The following ANK2 variants were observed in gnomAD, a reference collection of about 807,000 sequenced individuals.
ANK2 encodes ankyrin 2.
Under a neutral mutation model 360.5 loss-of-function variants are expected in ANK2, and 83 were observed. The ratio of observed to expected loss-of-function variants is 0.23; its 90% CI spans 0.19 to 0.28. ANK2 has a LOEUF of 0.28. ANK2 is among the 10% of genes least tolerant of loss of function. The pLI, the probability that ANK2 is intolerant of heterozygous loss-of-function variation, is 1.00. For synonymous variants in ANK2, 1,740 were observed against 1,759.5 expected, an observed-to-expected ratio of 0.99 and a Z score of 0.28; for missense variants, 4,201 against 4,795.7, an observed-to-expected ratio of 0.88 and a Z score of 3.66.
At chr4:112,727,267 T>C in the ANK2 span, among the ~76,000 whole-genome samples, 6 of 152,060 alleles carry the variant, frequency 3.9e-5, no homozygotes, top group Admixed American at 3.9e-4. Flanking sequence ...TTATAAATCC[T>C]CTCTGAGCCT....
chr4:112,886,972 T>A (rs916375354), intron 1 of ANK2, among the ~76,000 whole-genome samples: 1 of 152,184 alleles, frequency 6.6e-6, no homozygotes, highest in African/African-American at 2.4e-5. Context: ...GTTCTCCCAA[T>A]TTTTTGCTAA....
At chr4:112,941,077 C>T (rs1338166371) in intron 2 of ANK2, among the ~76,000 whole-genome samples, 1 of 151,882 alleles carries the variant, frequency 6.6e-6, no homozygotes, top group African/African-American at 2.4e-5. Context: ...TTACTAAATG[C>T]ACCTTTAAGA....
rs1470723744 is a variant in ANK2, at chr4:112,941,638, AATATATAAATATATAGAT to A, written c.21+37140_21+37157del. Reference sequence around the variant, plus strand: ...ATAAATATGTAAATGTAAATATATAAATATATAAATATATAGATATATATAAATATATATAAAAGGATA... The same window carrying A: ...ATAAATATGTAAATGTAAATATATAAATATATAAATATATATAAAAGGATA... On this transcript the variant is annotated intron_variant, in intron 2 of 30. Coordinates refer to the ANK2 transcript ENST00000503271. Among the ~76,000 whole-genome samples the A allele has an allele frequency of 1.8e-3, 261 of 145,638 alleles. 1 individual carries two copies. Among genetic ancestry groups the A allele is most frequent in the Admixed American group, 5.4e-3 (79 of 14,506 alleles).
rs138842207 is a variant in ANK2, at chr4:113,353,363, G to A, written c.4745G>A (p.Arg1582Gln). The A allele has an allele frequency of 1.3e-3, 2,023 of 1,614,020 alleles. 2 individuals carry two copies. The highest frequency in any genetic ancestry group is 1.6e-3 in the Non-Finnish European group (1,936 of 1,179,936). The change falls in exon 38 of 46, where the codon CGG becomes CAG. Residue 1582 changes from arginine to glutamine, a missense_variant. Coordinates refer to ENST00000357077, the MANE Select transcript of ANK2 (RefSeq NM_001148.6). ...GATGAAAGCAGTGTGCAGAGCTCTCGGTCTGAGAGAGGATTAGTTGAAGAG... is the reference window on the plus strand; with the variant it reads ...GATGAAAGCAGTGTGCAGAGCTCTCAGTCTGAGAGAGGATTAGTTGAAGAG... ...TRDESSVQSS[R>Q]SERGLVEEEW...
At chr4:113,279,668 T>G (rs2061511477) in intron 17 of ANK2, among the ~76,000 whole-genome samples, 1 of 148,520 alleles carries the variant, frequency 6.7e-6, no homozygotes, top group Non-Finnish European at 1.5e-5. Flanking sequence ...ATACATAAAA[T>G]ATGTTCTGTA....
At chr4:113,336,246 G>T in intron 30 of ANK2, 189 bp downstream of exon 30, 1 of 619,180 alleles carries the variant, frequency 1.6e-6, no homozygotes, top group South Asian at 2.7e-5. Context: ...CTTATATTTG[G>T]ACAATTAACC....
At chr4:112,833,973 A>G (rs931223578) in intron 1 of ANK2, among the ~76,000 whole-genome samples, 1 of 152,234 alleles carries the variant, frequency 6.6e-6, no homozygotes, top group Admixed American at 6.5e-5. Context: ...ATATATACAT[A>G]GATATAACTT....
chr4:113,342,053 G>A, intron 33 of ANK2, 137 bp downstream of exon 33: 1 of 916,238 alleles, frequency 1.1e-6, no homozygotes, highest in Non-Finnish European at 1.6e-6. Context: ...CAGTTAGAAG[G>A]TCAACATCCA....
At chr4:112,790,049 C>T in the ANK2 span, among the ~76,000 whole-genome samples, 2 of 152,036 alleles carry the variant, frequency 1.3e-5, no homozygotes, top group African/African-American at 4.8e-5. Context: ...GAGAGTTATC[C>T]AAGATGGTGA....
intron 15 of ANK2, among the ~76,000 whole-genome samples, chr4:113,277,028 A>G (rs979322047): frequency 6.6e-6 from 1 of 152,216 alleles, no homozygotes; most frequent in Non-Finnish European, 1.5e-5. Flanking sequence ...ATCTTAGTCC[A>G]GAGACTTATC....
At position 113,363,459 on chromosome 4, in the gene ANK2, A is replaced by G. The variant is rs1310612139; in HGVS notation, c.10878A>G (p.Lys3626=). The change falls in exon 40 of 46, where the codon AAA becomes AAG. Residue 3626 remains lysine, a synonymous_variant. Transcript: ENST00000357077. ...LLKYWLERDG[K]HATDTNLVEC... is the part of the protein sequence containing the mutation. ...AGTACTGGCTAGAGAGGGATGGGAA[A>G]CATGCTACAGGTAAGTGGGGAACTA... 1.2e-6 allele frequency: 2 copies of G among 1,613,482 alleles called. No homozygotes were observed. Among genetic ancestry groups the G allele is most frequent in the Admixed American group, 3.3e-5 (2 of 59,978 alleles).
upstream of ANK2, among the ~76,000 whole-genome samples, chr4:112,817,630 TAAAC>T (rs2149488025): frequency 1.3e-5 from 2 of 151,732 alleles, no homozygotes; most frequent in South Asian, 2.1e-4. Flanking sequence ...TTTTATGACT[TAAAC>T]ATATATATAT....
At chr4:113,048,196 C>A (rs532538726), upstream of ANK2, among the ~76,000 whole-genome samples, 209 of 123,874 alleles carry the variant, frequency 1.7e-3, no homozygotes, top group Admixed American at 3.1e-3. Context: ...TTAGAATATA[C>A]ATATGTGCAT....
At chr4:113,210,307 T>C (rs2099006259) in intron 4 of ANK2, among the ~76,000 whole-genome samples, 1 of 152,186 alleles carries the variant, frequency 6.6e-6, no homozygotes, top group South Asian at 2.1e-4. Flanking sequence ...GTTTATGTTT[T>C]AGGGACAATT....
intron 1 of ANK2, chr4:113,152,264 A>G (rs2154396667): frequency 6.6e-6 from 1 of 152,120 alleles, no homozygotes; most frequent in South Asian, 2.1e-4. Flanking sequence ...CTGTCCCTAT[A>G]GTGGCTTTTT....
At chr4:112,899,245 T>C (rs2082594930) in intron 1 of ANK2, among the ~76,000 whole-genome samples, 1 of 152,202 alleles carries the variant, frequency 6.6e-6, no homozygotes, top group Non-Finnish European at 1.5e-5. Context: ...ACATTAGTAA[T>C]TAGGATTCCA....
upstream of ANK2, among the ~76,000 whole-genome samples, chr4:112,817,929 C>T (rs1173041864): frequency 6.6e-6 from 1 of 152,108 alleles, no homozygotes; most frequent in Non-Finnish European, 1.5e-5. Flanking sequence ...TGTGAGAAAA[C>T]AACAGTTCCT....
intron 11 of ANK2, among the ~76,000 whole-genome samples, chr4:113,256,346 T>A (rs2049313745): frequency 6.6e-6 from 1 of 152,202 alleles, no homozygotes; most frequent in Non-Finnish European, 1.5e-5. Flanking sequence ...ATGGTGAATA[T>A]ATTTGACTAT....
At chr4:113,081,467 A>G (rs1581024975) in intron 1 of ANK2, among the ~76,000 whole-genome samples, 1 of 152,324 alleles carries the variant, frequency 6.6e-6, no homozygotes, top group Middle Eastern at 3.4e-3. Context: ...TTCTCGTAGT[A>G]TGACATTAGG....
Sources: gnomAD v4.1 joint callset for allele counts (sites outside exome capture counted in the v4.1 genomes callset) on GRCh38, gnomAD v4.1.1 for gene constraint, MANE v1.5 for transcripts, NCBI Gene and HGNC (gene_info 2026-07-23, HGNC 2026-07-21) for gene names.